Variants in MYT1L observed in about 807,000 individuals in gnomAD.
MYT1L encodes the protein myelin transcription factor 1-like protein.
A neutral mutation model predicts 126.7 loss-of-function variants in MYT1L; 12 were observed. The observed-to-expected ratio is 0.09, with a 90% CI of 0.06 to 0.15. The LOEUF (loss-of-function observed/expected upper bound fraction) is 0.15. MYT1L is among the 10% of genes least tolerant of loss of function. The probability of loss-of-function intolerance (pLI) is 1.00; values close to 1 mark genes in which losing one functional copy is unlikely to be tolerated. For synonymous variants in MYT1L, 541 were observed against 604.2 expected, an observed-to-expected ratio of 0.90 and a Z score of 1.53; for missense variants, 979 against 1,585.2, an observed-to-expected ratio of 0.62 and a Z score of 6.49.
At chr2:2,164,578 A>G (rs1031519337) in intron 3 of MYT1L, among the ~76,000 whole-genome samples, 1 of 152,184 alleles carries the variant, frequency 6.6e-6, no homozygotes, top group African/African-American at 2.4e-5. Context: ...TCCAAGACTT[A>G]GCACAATGCC....
chr2:1,852,557 T>C lies in MYT1L; in HGVS notation c.2712-854A>G, dbSNP rs2043409710. On this transcript the variant is annotated intron_variant, in intron 18 of 24. Transcript: ENST00000647738. The surrounding 1 kb of genome is among the most constrained non-coding windows in gnomAD (Gnocchi z 4.0). ...CTTAACTATGCTGTCTCAAGAATAATGAGATCAACTTCTTAACTATGCTGT... is the reference window on the plus strand; with the variant it reads ...CTTAACTATGCTGTCTCAAGAATAACGAGATCAACTTCTTAACTATGCTGT... Among the ~76,000 whole-genome samples the C allele has an allele frequency of 6.6e-6, 1 of 152,166 alleles. No individual in the cohort carries two copies. The highest frequency in any genetic ancestry group is 2.1e-4 in the South Asian group (1 of 4,832).
At chr2:2,302,733 A>T (rs565648433) in intron 1 of MYT1L, among the ~76,000 whole-genome samples, 2 of 152,336 alleles carry the variant, frequency 1.3e-5, no homozygotes, top group South Asian at 4.1e-4. Flanking sequence ...CTTTTGTCTC[A>T]TTTAAAACTT....
intron 4 of MYT1L, among the ~76,000 whole-genome samples, chr2:2,013,083 G>T (rs766216300): frequency 2.6e-5 from 4 of 152,172 alleles, no homozygotes; most frequent in East Asian, 3.8e-4. Context: ...GAGAACACGC[G>T]ATTCTAGAAC....
intron 3 of MYT1L, among the ~76,000 whole-genome samples, chr2:2,056,505 T>C (rs999733739): frequency 4.6e-5 from 7 of 152,214 alleles, no homozygotes; most frequent in African/African-American, 1.7e-4. Context: ...CATCCGTCCA[T>C]CCATCCATCC....
intron 4 of MYT1L, among the ~76,000 whole-genome samples, chr2:2,041,145 T>G (rs1458236692): frequency 1.3e-5 from 2 of 152,232 alleles, no homozygotes; most frequent in East Asian, 3.8e-4. Context: ...GGTGCATTAA[T>G]AATTTTGCTT....
At chr2:1,814,474 A>G (rs2037320921) in intron 21 of MYT1L, among the ~76,000 whole-genome samples, 1 of 152,140 alleles carries the variant, frequency 6.6e-6, no homozygotes, top group African/African-American at 2.4e-5. Context: ...TGCCCACCAC[A>G]TTGCTATGTG....
chr2:1,805,580 C>A (rs2035567288), intron 22 of MYT1L, among the ~76,000 whole-genome samples: 1 of 152,060 alleles, frequency 6.6e-6, no homozygotes, highest in Non-Finnish European at 1.5e-5. Flanking sequence ...CATAGTCAGA[C>A]CTCATCTATA....
In MYT1L at chr2:2,224,481, A is replaced by G. The variant is rs1004019168; in HGVS notation, c.-420-51493T>C. Among the ~76,000 whole-genome samples, 13 of 152,290 alleles carry G rather than the reference A, an allele frequency of 8.5e-5. No individual in the cohort carries two copies. The highest frequency in any genetic ancestry group is 2.6e-4 in the African/African-American group (11 of 41,566). The stretch of plus-strand genomic sequence containing the variant: ...GAAGAAAAGGAATTAGATTAGGTTC[A>G]GCCTCATCGCACCCCATGCCATAAC... On this transcript the variant is annotated intron_variant, in intron 2 of 24. Coordinates refer to ENST00000647738, the MANE Select transcript of MYT1L (RefSeq NM_001303052.2). This position sits in a 1 kb window ranked among gnomAD's most constrained non-coding sequence, Gnocchi z 4.0.
intron 3 of MYT1L, among the ~76,000 whole-genome samples, chr2:2,133,409 C>G (rs2082636787): frequency 6.6e-6 from 1 of 152,184 alleles, no homozygotes; most frequent in Non-Finnish European, 1.5e-5. Flanking sequence ...CCCCCTCATG[C>G]TTCTCAAGCA....
chr2:1,887,379 G>A lies in MYT1L; in HGVS notation c.2642+109C>T, dbSNP rs1410448517. 6.3e-6 allele frequency: 9 copies of A among 1,425,462 alleles called. No individual in the cohort carries two copies. Among genetic ancestry groups the A allele is most frequent in the South Asian group, 1.2e-5 (1 of 80,014 alleles). 88.3% of individuals were successfully genotyped at this position (1,425,462 alleles called of 1,614,324 possible). A position where few individuals can be genotyped will look rare whatever the true frequency, so the allele number is the denominator to read the frequency against. ...GCAGTCGGAAACATTTATATGCTGCGAATGTCGCATGCTCAAACGGCAAGG... is the reference window on the plus strand; with the variant it reads ...GCAGTCGGAAACATTTATATGCTGCAAATGTCGCATGCTCAAACGGCAAGG... On this transcript the variant is annotated intron_variant, in intron 17 of 24. Transcript: ENST00000647738. The surrounding 1 kb of genome is among the most constrained non-coding windows in gnomAD (Gnocchi z 4.8).
intron 2 of MYT1L, among the ~76,000 whole-genome samples, chr2:2,273,642 C>G (rs2095307394): frequency 2.0e-5 from 3 of 152,144 alleles, no homozygotes; most frequent in Non-Finnish European, 1.5e-5. Flanking sequence ...GCACCTGCCC[C>G]AGGGTAGGGG....
At chr2:2,181,910 T>G (rs2091575925) in intron 2 of MYT1L, among the ~76,000 whole-genome samples, 1 of 152,164 alleles carries the variant, frequency 6.6e-6, no homozygotes, top group Non-Finnish European at 1.5e-5. Context: ...AGCTCTATTT[T>G]CAGAGAGAAA....
intron 4 of MYT1L, among the ~76,000 whole-genome samples, chr2:2,016,024 C>T (rs1193314025): frequency 1.3e-5 from 2 of 152,194 alleles, no homozygotes; most frequent in Non-Finnish European, 2.9e-5. Context: ...CACACACCAT[C>T]CACTGTTTTC....
At chr2:1,968,129 G>A (rs1042663869) in intron 8 of MYT1L, among the ~76,000 whole-genome samples, 1 of 152,122 alleles carries the variant, frequency 6.6e-6, no homozygotes, top group Non-Finnish European at 1.5e-5. Flanking sequence ...CCCGCAGCTG[G>A]GCCCCTCTAG....
At chr2:1,851,577 G>C (rs1412911589) in intron 19 of MYT1L, 64 bp downstream of exon 19, 2 of 1,496,196 alleles carry the variant, frequency 1.3e-6, no homozygotes, top group African/African-American at 2.8e-5. Flanking sequence ...CCTGACGTGA[G>C]TGATATTCCT....
chr2:1,915,082 C>T (rs2052630617), intron 11 of MYT1L, among the ~76,000 whole-genome samples: 1 of 152,178 alleles, frequency 6.6e-6, no homozygotes, highest in African/African-American at 2.4e-5. Flanking sequence ...GGGCTGGGAG[C>T]TCTCTGAGGG....
chr2:1,823,516 C>G (rs532981053), intron 21 of MYT1L, among the ~76,000 whole-genome samples: 2 of 152,176 alleles, frequency 1.3e-5, no homozygotes, highest in Non-Finnish European at 2.9e-5. Flanking sequence ...GCAGCTCCCC[C>G]AGGACGGAAG....
At chr2:2,007,630 A>AT (rs934329904) in intron 4 of MYT1L, among the ~76,000 whole-genome samples, 29 of 151,436 alleles carry the variant, frequency 1.9e-4, no homozygotes, top group South Asian at 1.1e-3. Context: ...ATTTCAGCTT[A>AT]TTTTTTTTTC....
chr2:1,851,592 T>C (rs777210044), intron 19 of MYT1L, 49 bp downstream of exon 19: 10 of 1,565,434 alleles, frequency 6.4e-6, no homozygotes, highest in Non-Finnish European at 7.9e-6. Flanking sequence ...ATTCCTGCCA[T>C]TTCAGTGAGA....
Sources: allele counts gnomAD v4.1 joint callset (sites outside exome capture counted in the v4.1 genomes callset), GRCh38; gene constraint gnomAD v4.1.1; non-coding constraint Gnocchi (gnomAD v3.1); transcripts MANE v1.5; gene names NCBI Gene and HGNC (gene_info 2026-07-23, HGNC 2026-07-21).